The following SYNJ2 variants were observed in gnomAD, a reference collection of about 807,000 sequenced individuals.
The protein encoded by SYNJ2 is polyphosphatidylinositol phosphatase SYNJ2.
In SYNJ2, 116 loss-of-function variants were observed where a neutral mutation model predicts 141.3. The observed-to-expected ratio is 0.82, with a 90% CI of 0.71 to 0.96. SYNJ2 has a LOEUF of 0.96. Ranked by LOEUF, SYNJ2 falls within the 40% of genes least tolerant of loss-of-function variation. SYNJ2 has a pLI of 0.00. For missense variants in SYNJ2, 1,873 were observed against 1,934.8 expected, an observed-to-expected ratio of 0.97 and a Z score of 0.60; for synonymous variants, 745 against 777.7, an observed-to-expected ratio of 0.96 and a Z score of 0.70.
rs770957876 is a variant in SYNJ2, at chr6:158,093,089, G to C, written c.3729G>C (p.Leu1243Phe). 3.1e-6 allele frequency: 5 copies of C among 1,610,184 alleles called. No homozygotes were observed. Among genetic ancestry groups the C allele is most frequent in the Non-Finnish European group, 4.2e-6 (5 of 1,178,954 alleles). ...TTCCTGCCATCAAGAAGCCAACCTT[G>C]AGAAGGACAGGAAAGGTAAAAGCCT... ...PRVPAIKKPT[L>F]RRTGKPLSPE... Residue 1243 changes from leucine to phenylalanine, a missense_variant, in exon 26 of 27, where the codon TTG (leucine) becomes TTC (phenylalanine). Physicochemically the swap from Leu to Phe is conservative, Grantham distance 22. Coordinates refer to ENST00000355585, the MANE Select transcript of SYNJ2 (RefSeq NM_003898.4).
At chr6:158,094,587 AAGCC>A (rs1783688126) in intron 26 of SYNJ2, among the ~76,000 whole-genome samples, 2 of 152,224 alleles carry the variant, frequency 1.3e-5, no homozygotes, top group African/African-American at 4.8e-5. Context: ...TTTCTTGTAA[AAGCC>A]AGGAGCAGAA....
intron 15 of SYNJ2, among the ~76,000 whole-genome samples, chr6:158,072,536 T>C (rs9347993): frequency 0.53 from 81,062 of 151,908 alleles, 21,822 homozygotes; most frequent in East Asian, 0.64. Flanking sequence ...TGAGAGGTGG[T>C]GGGTTGGGTC....
At chr6:158,029,087 G>T in intron 3 of SYNJ2, 61 bp downstream of exon 3, 1 of 1,575,788 alleles carries the variant, frequency 6.3e-7, no homozygotes, top group Non-Finnish European at 8.6e-7. Context: ...GGTGGGCCCT[G>T]GTTGGCATCT....
chr6:157,992,900 A>G (rs1021825840), intron 1 of SYNJ2, among the ~76,000 whole-genome samples: 1 of 152,342 alleles, frequency 6.6e-6, no homozygotes, highest in African/African-American at 2.4e-5. Context: ...TGCTGCAACT[A>G]ACATGGGAGT....
chr6:158,073,914 T>TA (rs1554252796), intron 15 of SYNJ2, among the ~76,000 whole-genome samples: 1 of 150,220 alleles, frequency 6.7e-6, no homozygotes, highest in African/African-American at 2.5e-5. Context: ...TTTTTTTTTT[T>TA]AATCTAAGAG....
At chr6:158,080,109 T>A (rs957974991) in intron 18 of SYNJ2, among the ~76,000 whole-genome samples, 4 of 152,208 alleles carry the variant, frequency 2.6e-5, no homozygotes, top group African/African-American at 9.6e-5. Flanking sequence ...TTTACATCAT[T>A]GATTTTTACA....
chr6:158,087,763 G>A (rs1783152933), intron 23 of SYNJ2, among the ~76,000 whole-genome samples: 2 of 151,798 alleles, frequency 1.3e-5, no homozygotes, highest in Non-Finnish European at 2.9e-5. Context: ...GGAAATTTTA[G>A]AGATAACTAC....
At chr6:158,001,231 A>G (rs550053773) in intron 1 of SYNJ2, 2 of 152,140 alleles carry the variant, frequency 1.3e-5, no homozygotes, top group East Asian at 1.9e-4. Flanking sequence ...ATAGATTTCC[A>G]GGGCTGTGTG....
intron 1 of SYNJ2, among the ~76,000 whole-genome samples, chr6:157,995,575 G>C (rs1488652929): frequency 6.6e-6 from 1 of 152,248 alleles, no homozygotes; most frequent in East Asian, 1.9e-4. Context: ...ATGCCCATCT[G>C]TGCCTGAAAT....
At chr6:158,053,230 A>G (rs1447971688) in intron 5 of SYNJ2, among the ~76,000 whole-genome samples, 3 of 152,048 alleles carry the variant, frequency 2.0e-5, no homozygotes, top group Non-Finnish European at 4.4e-5. Flanking sequence ...TAGTGATGTT[A>G]ATTTTGGTCA....
At chr6:158,087,637 C>T (rs1454876362) in intron 23 of SYNJ2, among the ~76,000 whole-genome samples, 1 of 152,148 alleles carries the variant, frequency 6.6e-6, no homozygotes, top group African/African-American at 2.4e-5. Flanking sequence ...CTTCCTAAGC[C>T]ATTACTTCAG....
chr6:158,038,943 A>C (rs1340158248), intron 4 of SYNJ2, among the ~76,000 whole-genome samples: 1 of 152,226 alleles, frequency 6.6e-6, no homozygotes, highest in East Asian at 1.9e-4. Context: ...GAGAGGGTTC[A>C]TGCTTCCTGC....
rs1254417400 is a variant in SYNJ2, at chr6:158,071,473, G to T, written c.1941-129G>T. ...CGATGACGGCCACGGTGGCCACTGT[G>T]TTGAGCTGATGATTTTGGAGCACTC... On this transcript the variant is annotated intron_variant, in intron 14 of 26. Transcript: ENST00000355585. This position sits in a 1 kb window ranked among gnomAD's most constrained non-coding sequence, Gnocchi z 4.3. 2.7e-6 allele frequency: 3 copies of T among 1,099,574 alleles called. No individual in the cohort carries two copies. The East Asian group carries it at 7.4e-5, about 27-fold the overall frequency. The allele number at this position is 1,099,574 out of a possible 1,614,324, so 68.1% of individuals were successfully genotyped here. A position where few individuals can be genotyped will look rare whatever the true frequency, so the allele number is the denominator to read the frequency against.
chr6:158,000,622 G>C (rs559440476), intron 1 of SYNJ2, among the ~76,000 whole-genome samples: 1 of 152,236 alleles, frequency 6.6e-6, no homozygotes, highest in African/African-American at 2.4e-5. Context: ...TATGGAGTAG[G>C]AGCTGACTTT....
rs181823237 is a variant in SYNJ2 at position 158,030,210 on chromosome 6, C to T, written c.485+1184C>T. 1.6e-3 allele frequency among the ~76,000 whole-genome samples: 239 copies of T among 152,304 alleles called. 1 individual carries two copies. Among genetic ancestry groups the T allele is most frequent in the South Asian group, 3.9e-3 (19 of 4,830 alleles). ...GACATAATGCTGTTTCTGTCAGATT[C>T]GCACTGATGCCTAGAGATGCCAGGT... is the stretch of plus-strand genomic sequence containing the variant. On this transcript the variant is annotated intron_variant, in intron 3 of 26. Transcript: ENST00000355585.
At chr6:158,022,761 A>G (rs891814885) in intron 2 of SYNJ2, among the ~76,000 whole-genome samples, 2 of 152,330 alleles carry the variant, frequency 1.3e-5, no homozygotes, top group Admixed American at 6.5e-5. Context: ...CCGCAAGCCT[A>G]GTTAGCTTCT....
At chr6:158,091,040 G>A (rs1205277710) in intron 25 of SYNJ2, among the ~76,000 whole-genome samples, 2 of 152,156 alleles carry the variant, frequency 1.3e-5, no homozygotes, top group Non-Finnish European at 2.9e-5. Flanking sequence ...AAACTAGGCC[G>A]GGCGCGGTGG....
intron 6 of SYNJ2, 140 bp from the exon 7 acceptor site, chr6:158,059,117 G>C (rs1001009189): frequency 2.3e-6 from 2 of 867,504 alleles, no homozygotes; most frequent in Non-Finnish European, 3.2e-6. Context: ...CCACGATTTG[G>C]GTCATGGGGG....
rs1782839478 is a variant in SYNJ2 at position 158,083,538 on chromosome 6, C to T, written c.2975C>T (p.Ala992Val). ...AGCATGGCCCCCGTGTCTCCCACTG[C>T]CAACTCCTGTTTGCTGGAGGAAAAC... ...RDSMAPVSPT[A>V]NSCLLEENFD... is the part of the protein sequence containing the mutation. The change falls in exon 21 of 27, where the codon GCC (alanine) becomes GTC (valine). Residue 992 changes from alanine (A) to valine (V), a missense_variant. Ala to Val is a moderately conservative substitution (Grantham distance 64, BLOSUM62 0). Coordinates refer to ENST00000355585, the MANE Select transcript of SYNJ2 (RefSeq NM_003898.4). The T allele has an allele frequency of 1.2e-6, 2 of 1,614,200 alleles. No individual in the cohort carries two copies. Among genetic ancestry groups the T allele is most frequent in the Non-Finnish European group, 1.7e-6 (2 of 1,180,040 alleles).
Sources: gnomAD v4.1 joint callset for allele counts (sites outside exome capture counted in the v4.1 genomes callset) on GRCh38, gnomAD v4.1.1 for gene constraint, Gnocchi (gnomAD v3.1) non-coding constraint, MANE v1.5 for transcripts, NCBI Gene and HGNC (gene_info 2026-07-23, HGNC 2026-07-21) for gene names.